Variants in PLA2G5 observed in about 807,000 individuals in gnomAD.
PLA2G5 encodes Ca2+-dependent phospholipase A2.
A neutral mutation model predicts 15.9 loss-of-function variants in PLA2G5; 12 were observed. The ratio of observed to expected loss-of-function variants is 0.76; its 90% CI spans 0.48 to 1.23. The LOEUF (loss-of-function observed/expected upper bound fraction) is 1.23. Ranked by LOEUF, PLA2G5 falls within the 50% of genes most tolerant of loss-of-function variation. The pLI, the probability that PLA2G5 is intolerant of heterozygous loss-of-function variation, is 0.00. For synonymous variants in PLA2G5, 71 were observed against 71.4 expected (o/e 0.99, Z 0.03); for missense variants, 169 against 177.1 (o/e 0.95, Z 0.26).
At chr1:20,061,656 A>G (rs2014740821) in intron 2 of PLA2G5, among the ~76,000 whole-genome samples, 1 of 152,142 alleles carries the variant, frequency 6.6e-6, no homozygotes, top group South Asian at 2.1e-4. Context: ...TGCTTGAAAT[A>G]AACAGGGCCT....
rs2016539802 is a variant in PLA2G5, at chr1:20,090,960, AG to A, written c.*271del. The A allele has an allele frequency of 2.7e-6, 1 of 371,988 alleles. No homozygotes were observed. The highest frequency in any genetic ancestry group is 4.1e-5 in the Admixed American group (1 of 24,236). The allele number at this position is 371,988 out of a possible 1,614,324, so 23.0% of individuals were successfully genotyped here. On this transcript the variant is annotated 3_prime_UTR_variant, in exon 5 of 5. Transcript: ENST00000375108. ...GGTGCCAAGAGCTCTCCTCCAACTC[AG>A]GGTTGGCTGTGTCTCTTTTCTTCTC...
chr1:20,060,728 T>C (rs983344835), intron 2 of PLA2G5, among the ~76,000 whole-genome samples: 1 of 128,244 alleles, frequency 7.8e-6, no homozygotes, highest in African/African-American at 3.3e-5. Flanking sequence ...AGCAAGTCTT[T>C]CTTTCTTTTC....
At chr1:20,078,723 G>T (rs953020998) in intron 1 of PLA2G5, among the ~76,000 whole-genome samples, 1 of 152,132 alleles carries the variant, frequency 6.6e-6, no homozygotes, top group Non-Finnish European at 1.5e-5. Flanking sequence ...GGTTCATGGG[G>T]GCCTTAAGGA....
chr1:20,040,085 A>G (rs2013509247), intron 1 of PLA2G5, among the ~76,000 whole-genome samples: 1 of 152,204 alleles, frequency 6.6e-6, no homozygotes, highest in Admixed American at 6.5e-5. Flanking sequence ...CATTAAACAA[A>G]CAAACACACA....
chr1:20,089,854 A>G lies in PLA2G5; in HGVS notation c.251A>G (p.Gln84Arg). The change falls in exon 4 of 5, where the codon CAG (glutamine) becomes CGG (arginine). Residue 84 changes from glutamine to arginine, a missense_variant. Physicochemically the swap from Gln to Arg is conservative, Grantham distance 43. Coordinates refer to ENST00000375108, the MANE Select transcript of PLA2G5 (RefSeq NM_000929.3). The part of the protein sequence containing the change: ...LEEKGCNIRT[Q>R]SYKYRFAWGV... ...GAGAAGGGCTGCAACATTCGCACAC[A>G]GTCCTACAAATACAGATTCGCGTGG... 1 of 1,614,120 alleles carries G rather than the reference A, an allele frequency of 6.2e-7. No individual in the cohort carries two copies. Among genetic ancestry groups the G allele is most frequent in the East Asian group, 2.2e-5 (1 of 44,870 alleles).
At chr1:20,049,437 A>C (rs1208747693) in intron 1 of PLA2G5, among the ~76,000 whole-genome samples, 1 of 151,932 alleles carries the variant, frequency 6.6e-6, no homozygotes, top group African/African-American at 2.4e-5. Flanking sequence ...AGAGCTTTTA[A>C]TTTTTTTTAA....
intron 1 of PLA2G5, among the ~76,000 whole-genome samples, chr1:20,058,785 TGCA>T (rs1192622862): frequency 6.6e-6 from 1 of 152,172 alleles, no homozygotes; most frequent in Non-Finnish European, 1.5e-5. Context: ...CAGCTTCCTC[TGCA>T]GCCCAGTCTT....
chr1:20,081,298 C>T lies in PLA2G5; in HGVS notation c.-10-3523C>T, dbSNP rs11573246. Among the ~76,000 whole-genome samples the T allele has an allele frequency of 9.1e-4, 139 of 152,080 alleles. 4 individuals carry two copies. The East Asian group carries it at 0.026, about 28-fold the overall frequency. ...GGCTCTCCACTCTTCGGGGCAGCCA[C>T]TCCATGCCTCTGCCACCTCCACCAT... On this transcript the variant is annotated intron_variant, in intron 1 of 4. Transcript: ENST00000375108.
intron 3 of PLA2G5, among the ~76,000 whole-genome samples, chr1:20,086,612 G>A (rs992346425): frequency 3.9e-5 from 6 of 152,212 alleles, no homozygotes; most frequent in South Asian, 2.1e-4. Flanking sequence ...GCCTAGGAGC[G>A]GGTCAGAGGC....
chr1:20,086,172 T>C lies in PLA2G5; in HGVS notation c.130T>C (p.Tyr44His). ...GKNALTNYGF[Y>H]GCYCGWGGRG... Reference sequence around the variant, plus strand: ...GAACGCCCTGACAAACTACGGCTTCTACGGCTGTTACTGCGGCTGGGGCGG... The same window carrying C: ...GAACGCCCTGACAAACTACGGCTTCCACGGCTGTTACTGCGGCTGGGGCGG... Residue 44 changes from tyrosine to histidine, a missense_variant, in exon 3 of 5, where the codon TAC (tyrosine) becomes CAC (histidine). Transcript: ENST00000375108. 1 of 1,614,192 alleles carries C rather than the reference T, an allele frequency of 6.2e-7. No homozygotes were observed. The highest frequency in any genetic ancestry group is 8.5e-7 in the Non-Finnish European group (1 of 1,180,022).
chr1:20,057,402 G>A (rs911046683), intron 1 of PLA2G5, among the ~76,000 whole-genome samples: 4 of 150,970 alleles, frequency 2.6e-5, no homozygotes, highest in Non-Finnish European at 5.9e-5. Flanking sequence ...AATTTTTTGG[G>A]GGGTAATTTC....
intron 2 of PLA2G5, among the ~76,000 whole-genome samples, chr1:20,064,618 G>T (rs1316635027): frequency 6.6e-6 from 1 of 151,950 alleles, no homozygotes; most frequent in Non-Finnish European, 1.5e-5. Flanking sequence ...ACAAGGTCAG[G>T]CATGGTAACT....
chr1:20,037,762 C>T (rs894573377), intron 1 of PLA2G5, among the ~76,000 whole-genome samples: 7 of 152,090 alleles, frequency 4.6e-5, no homozygotes, highest in Non-Finnish European at 7.4e-5. Context: ...CTAAGGTTGC[C>T]TAAGTAAGTA....
At chr1:20,088,400 A>AT (rs955893318) in intron 3 of PLA2G5, among the ~76,000 whole-genome samples, 8 of 151,134 alleles carry the variant, frequency 5.3e-5, no homozygotes, top group Non-Finnish European at 1.0e-4. Context: ...GTAACATGGG[A>AT]TCCCCAGTGG....
intron 4 of PLA2G5, 40 bp from the exon 5 acceptor site, chr1:20,090,528 C>G (rs768075290): frequency 2.0e-5 from 32 of 1,612,460 alleles, no homozygotes; most frequent in Admixed American, 1.2e-4. Context: ...CTGGAGCATG[C>G]TCTTCCCACC....
At chr1:20,045,264 G>C (rs955603539) in intron 1 of PLA2G5, among the ~76,000 whole-genome samples, 1 of 152,140 alleles carries the variant, frequency 6.6e-6, no homozygotes, top group African/African-American at 2.4e-5. Flanking sequence ...CCAGAGAAAA[G>C]AGAGGGTAGA....
chr1:20,058,382 C>T (rs2014543260), intron 1 of PLA2G5, among the ~76,000 whole-genome samples: 1 of 152,166 alleles, frequency 6.6e-6, no homozygotes, highest in South Asian at 2.1e-4. Flanking sequence ...GTAAATGCCC[C>T]TCTTTATTCC....
chr1:20,055,234 G>T (rs1489115195), intron 1 of PLA2G5, among the ~76,000 whole-genome samples: 1 of 152,184 alleles, frequency 6.6e-6, no homozygotes, highest in Non-Finnish European at 1.5e-5. Context: ...GTGCTGGATT[G>T]TTCCATGATC....
In PLA2G5 at chr1:20,090,931, C is replaced by A; in HGVS notation, c.*239C>A. The stretch of plus-strand genomic sequence containing the variant: ...AGGCCTCCACTTCTGAGGGCAGCCC[C>A]TCTGGTGCCAAGAGCTCTCCTCCAA... On this transcript the variant is annotated 3_prime_UTR_variant, in exon 5 of 5. Coordinates refer to ENST00000375108, the MANE Select transcript of PLA2G5 (RefSeq NM_000929.3). The A allele has an allele frequency of 2.2e-6, 1 of 444,898 alleles. No homozygotes were observed. Among genetic ancestry groups the A allele is most frequent in the East Asian group, 3.7e-5 (1 of 26,776 alleles). The allele number at this position is 444,898 out of a possible 1,614,324, so 27.6% of individuals were successfully genotyped here. A position where few individuals can be genotyped will look rare whatever the true frequency, so the allele number is the denominator to read the frequency against.
Sources: allele counts gnomAD v4.1 joint callset (sites outside exome capture counted in the v4.1 genomes callset), GRCh38; gene constraint gnomAD v4.1.1; transcripts MANE v1.5; gene names NCBI Gene and HGNC (gene_info 2026-07-23, HGNC 2026-07-21).